Variants in SGCD observed in about 807,000 individuals in gnomAD.
The protein encoded by SGCD is sarcoglycan delta.
Under a neutral mutation model 36.6 loss-of-function variants are expected in SGCD, and 18 were observed. That is an observed-to-expected ratio of 0.49 (90% CI 0.34 to 0.73). The LOEUF (loss-of-function observed/expected upper bound fraction) is 0.73. Ranked by LOEUF, SGCD falls within the 30% of genes least tolerant of loss-of-function variation. The pLI is 0.01. For missense variants in SGCD, 387 were observed against 346.7 expected, an observed-to-expected ratio of 1.12 and a Z score of -0.92; for synonymous variants, 133 against 130.6, an observed-to-expected ratio of 1.02 and a Z score of -0.12.
In SGCD at chr5:156,253,011, C is replaced by A. The variant is rs556116921; in HGVS notation, c.-43-76523C>A. Among the ~76,000 whole-genome samples, 100 of 152,274 alleles carry A rather than the reference C, an allele frequency of 6.6e-4. 1 individual carries two copies. The highest frequency in any genetic ancestry group is 2.3e-3 in the African/African-American group (96 of 41,552). On this transcript the variant is annotated intron_variant, in intron 3 of 9. Coordinates refer to the SGCD transcript ENST00000517913. ...TTAAAACCTAATTTTTCACATATGT[C>A]TTTATCAAGGCTCTATGCTTACAAG...
chr5:156,575,784 C>T (rs1581192679), intron 4 of SGCD, among the ~76,000 whole-genome samples: 2 of 151,924 alleles, frequency 1.3e-5, no homozygotes, highest in Non-Finnish European at 2.9e-5. Context: ...AATTTTGGAG[C>T]GATTGGGTAC....
intron 1 of SGCD, among the ~76,000 whole-genome samples, chr5:156,068,732 C>T (rs1185930428): frequency 6.6e-6 from 1 of 151,592 alleles, no homozygotes; most frequent in African/African-American, 2.4e-5. Flanking sequence ...AGTTTACAGT[C>T]CCACCAACAG....
chr5:156,551,986 A>G (rs1041435105), intron 4 of SGCD, among the ~76,000 whole-genome samples: 5 of 152,150 alleles, frequency 3.3e-5, no homozygotes, highest in African/African-American at 1.2e-4. Context: ...TGACTTGATC[A>G]CTCATACCAA....
intron 7 of SGCD, among the ~76,000 whole-genome samples, chr5:156,682,493 AC>A (rs1753757230): frequency 6.6e-6 from 1 of 152,212 alleles, no homozygotes. Flanking sequence ...CTTTCACTTG[AC>A]CCCTGTTCTA....
intron 3 of SGCD, among the ~76,000 whole-genome samples, chr5:156,306,844 G>A (rs1274828719): frequency 6.6e-6 from 1 of 151,878 alleles, no homozygotes; most frequent in East Asian, 1.9e-4. Context: ...CCTTTCCTAT[G>A]TTCACATATT....
chr5:156,380,461 C>A (rs1380956388), intron 3 of SGCD, among the ~76,000 whole-genome samples: 2 of 152,198 alleles, frequency 1.3e-5, no homozygotes, highest in African/African-American at 4.8e-5. Context: ...GCACAGTTTT[C>A]AAGCACGTAT....
intron 3 of SGCD, among the ~76,000 whole-genome samples, chr5:156,435,137 A>T (rs1753189645): frequency 6.6e-6 from 1 of 152,200 alleles, no homozygotes; most frequent in Non-Finnish European, 1.5e-5. Flanking sequence ...TTTTATTTTG[A>T]TTCATAGACT....
intron 2 of SGCD, 150 bp from the exon 3 acceptor site, chr5:156,344,339 A>G: frequency 5.2e-6 from 3 of 571,982 alleles, no homozygotes; most frequent in Non-Finnish European, 8.9e-6. Flanking sequence ...TTTTGTCCAG[A>G]GGAAACAGAT....
intron 6 of SGCD, among the ~76,000 whole-genome samples, chr5:156,628,270 C>T (rs908560698): frequency 2.6e-5 from 4 of 152,174 alleles, no homozygotes; most frequent in Non-Finnish European, 4.4e-5. Flanking sequence ...ACCCTACCTC[C>T]AACATTGAGG....
At chr5:155,853,855 A>C in the SGCD span, among the ~76,000 whole-genome samples, 12 of 152,314 alleles carry the variant, frequency 7.9e-5, no homozygotes, top group East Asian at 2.3e-3. Flanking sequence ...GTCAGGGTGA[A>C]TTAACCAAGG....
the SGCD span, among the ~76,000 whole-genome samples, chr5:155,738,722 G>A: frequency 1.3e-5 from 2 of 148,874 alleles, no homozygotes; most frequent in Admixed American, 6.8e-5. Context: ...GTGTGAGAGA[G>A]TGTGTGTGAG....
chr5:155,812,286 C>T, the SGCD span, among the ~76,000 whole-genome samples: 1 of 152,168 alleles, frequency 6.6e-6, no homozygotes, highest in Non-Finnish European at 1.5e-5. Context: ...GAGCTATGAA[C>T]ATCTGCTTTT....
At chr5:156,184,417 G>A (rs1379877360) in intron 3 of SGCD, among the ~76,000 whole-genome samples, 1 of 144,574 alleles carries the variant, frequency 6.9e-6, no homozygotes, top group Non-Finnish European at 1.5e-5. Context: ...CTTTTGGATT[G>A]TTAAATATAT....
At chr5:156,346,248 A>G (rs930944473) in intron 3 of SGCD, among the ~76,000 whole-genome samples, 4 of 152,100 alleles carry the variant, frequency 2.6e-5, no homozygotes, top group Non-Finnish European at 5.9e-5. Flanking sequence ...ACAAATTTCT[A>G]TCTTGAGAAA....
intron 4 of SGCD, among the ~76,000 whole-genome samples, chr5:156,563,854 G>T (rs923924933): frequency 6.6e-6 from 1 of 151,418 alleles, no homozygotes; most frequent in Non-Finnish European, 1.5e-5. Flanking sequence ...CCTAATGAAA[G>T]CTGTTTCCCC....
chr5:156,051,847 T>C lies in SGCD; in HGVS notation c.-281-66031T>C, dbSNP rs181577822. ...TGTCTGTATGTTTTAGTGCATGTAGTGTGTGCTGGGGGAAAGAGGTGGGGA... is the reference window on the plus strand; with the variant it reads ...TGTCTGTATGTTTTAGTGCATGTAGCGTGTGCTGGGGGAAAGAGGTGGGGA... On this transcript the variant is annotated intron_variant, in intron 1 of 9. Transcript: ENST00000517913. Among the ~76,000 whole-genome samples the C allele has an allele frequency of 7.8e-4, 114 of 145,384 alleles. 8 individuals carry two copies. Among genetic ancestry groups the C allele is most frequent in the African/African-American group, 2.6e-3 (107 of 40,506 alleles).
rs180912336 is a variant in SGCD at position 156,737,948 on chromosome 5, T to C, written c.576-19633T>C. On this transcript the variant is annotated intron_variant, in intron 7 of 8. Coordinates refer to ENST00000337851, the MANE Select transcript of SGCD (RefSeq NM_000337.6). ...GCTCCTTCTATGATGCACTGCCCCA[T>C]AGGCTGAACCGATTTTCAATCCTGA... Among the ~76,000 whole-genome samples the C allele has an allele frequency of 8.6e-4, 131 of 152,318 alleles. 1 individual carries two copies. Among genetic ancestry groups the C allele is most frequent in the African/African-American group, 3.0e-3 (124 of 41,574 alleles).
At chr5:156,281,428 G>A (rs1168148576) in intron 3 of SGCD, among the ~76,000 whole-genome samples, 1 of 152,160 alleles carries the variant, frequency 6.6e-6, no homozygotes, top group Admixed American at 6.5e-5. Flanking sequence ...CGATGAGAGG[G>A]TATCCTGTGT....
intron 1 of SGCD, among the ~76,000 whole-genome samples, chr5:155,883,563 A>G (rs1755933745): frequency 6.6e-6 from 1 of 152,122 alleles, no homozygotes; most frequent in African/African-American, 2.4e-5. Context: ...ACAGTTCACA[A>G]CATTTATGGA....
Sources: gnomAD v4.1 joint callset for allele counts (sites outside exome capture counted in the v4.1 genomes callset) on GRCh38, gnomAD v4.1.1 for gene constraint, MANE v1.5 for transcripts, NCBI Gene and HGNC (gene_info 2026-07-23, HGNC 2026-07-21) for gene names.